Variants in CHLSN observed in about 807,000 individuals in gnomAD.
CHLSN encodes the protein protein cholesin.
chr7:1,013,089 G>A, the CHLSN span, among the ~76,000 whole-genome samples: 4 of 152,058 alleles, frequency 2.6e-5, no homozygotes, highest in Non-Finnish European at 5.9e-5. Flanking sequence ...AGGATCGGGC[G>A]TGGTAATGCC....
chr7:1,117,301 C>G, the CHLSN span, among the ~76,000 whole-genome samples: 1 of 86,664 alleles, frequency 1.2e-5, no homozygotes, highest in Non-Finnish European at 2.2e-5. Context: ...ATGATGACAT[C>G]ACTACAGCTC....
At chr7:1,080,552 C>T in the CHLSN span, among the ~76,000 whole-genome samples, 4 of 152,350 alleles carry the variant, frequency 2.6e-5, no homozygotes, top group Middle Eastern at 6.8e-3. Flanking sequence ...CACCCAGGGA[C>T]GGGCAGAGGA....
the CHLSN span, among the ~76,000 whole-genome samples, chr7:1,085,176 C>G: frequency 4.6e-5 from 7 of 152,226 alleles, no homozygotes; most frequent in Admixed American, 2.0e-4. Context: ...CAGTATTTGG[C>G]TATGTGTGCA....
the CHLSN span, chr7:1,058,285 C>T: frequency 1.4e-5 from 11 of 773,458 alleles, no homozygotes; most frequent in Admixed American, 5.1e-5. Flanking sequence ...CTGGGGCACA[C>T]GGTCATCATC....
chr7:1,100,420 C>A, the CHLSN span, among the ~76,000 whole-genome samples: 1 of 152,284 alleles, frequency 6.6e-6, no homozygotes, highest in South Asian at 2.1e-4. Context: ...AGGCCACACG[C>A]AGGCTGCACA....
At chr7:1,138,006 GC>G in the CHLSN span, 1 of 27,100 alleles carries the variant, frequency 3.7e-5, no homozygotes, top group Non-Finnish European at 6.5e-5. Context: ...GGACGCACCG[GC>G]CGCACCGGCC....
At chr7:1,119,480 C>G in the CHLSN span, among the ~76,000 whole-genome samples, 1 of 152,136 alleles carries the variant, frequency 6.6e-6, no homozygotes, top group Non-Finnish European at 1.5e-5. Context: ...GAAAGAGAAG[C>G]CACAGAATGG....
At chr7:988,481 C>A in the CHLSN span, 2 of 1,604,158 alleles carry the variant, frequency 1.2e-6, no homozygotes, top group Admixed American at 1.7e-5. Context: ...GGGACGGCCC[C>A]AGCTCCGCCT....
At chr7:1,048,994 A>C in the CHLSN span, among the ~76,000 whole-genome samples, 16,306 of 152,242 alleles carry the variant, frequency 0.11, 1,161 homozygotes, top group Middle Eastern at 0.2. Context: ...AAAAACCATA[A>C]AACTGCAAAG....
At chr7:1,002,546 T>C in the CHLSN span, among the ~76,000 whole-genome samples, 107 of 83,330 alleles carry the variant, frequency 1.3e-3, 3 homozygotes, top group East Asian at 7.3e-3. Flanking sequence ...TGGAGCCCTG[T>C]GGGTGAGTGG....
chr7:999,862 C>T, the CHLSN span, among the ~76,000 whole-genome samples: 11 of 152,254 alleles, frequency 7.2e-5, no homozygotes, highest in South Asian at 2.1e-4. Context: ...AGCTCCAGCC[C>T]GCCGCCCAGC....
the CHLSN span, among the ~76,000 whole-genome samples, chr7:1,053,039 G>A: frequency 6.6e-6 from 1 of 152,244 alleles, no homozygotes; most frequent in African/African-American, 2.4e-5. Context: ...GTGCATGGCT[G>A]ACGGGAAAGA....
the CHLSN span, chr7:1,044,774 G>A: frequency 6.6e-6 from 1 of 152,152 alleles, no homozygotes; most frequent in Non-Finnish European, 1.5e-5. Flanking sequence ...CGCTTACTGG[G>A]ACCCGGGTCC....
At chr7:1,091,889 A>C in the CHLSN span, 2 of 1,614,032 alleles carry the variant, frequency 1.2e-6, no homozygotes, top group Non-Finnish European at 1.7e-6. Flanking sequence ...GAGCACCAGC[A>C]GTACGTGATC....
the CHLSN span, among the ~76,000 whole-genome samples, chr7:1,136,314 AT>A: frequency 3.5e-3 from 373 of 107,188 alleles, no homozygotes; most frequent in African/African-American, 0.01. Flanking sequence ...ATAAATATAT[AT>A]AAACATAAAT....
At chr7:1,058,516 A>AG in the CHLSN span, 1 of 777,878 alleles carries the variant, frequency 1.3e-6, no homozygotes. Context: ...GTGCTGGCGT[A>AG]GGCGGCCCAG....
chr7:1,016,725 A>C, the CHLSN span, among the ~76,000 whole-genome samples: 3 of 125,858 alleles, frequency 2.4e-5, 1 homozygote, highest in African/African-American at 1.0e-4. Flanking sequence ...ACAGCAGCAC[A>C]CAGCAGCACA....
the CHLSN span, among the ~76,000 whole-genome samples, chr7:1,106,057 C>T: frequency 6.6e-6 from 1 of 152,124 alleles, no homozygotes; most frequent in Non-Finnish European, 1.5e-5. Context: ...GATTTCGATG[C>T]TGTTTATTTA....
the CHLSN span, among the ~76,000 whole-genome samples, chr7:1,130,265 G>A: frequency 7.2e-5 from 11 of 152,346 alleles, no homozygotes; most frequent in Admixed American, 2.0e-4. Flanking sequence ...TGAGGGAGCC[G>A]AAAGAGGCAG....
Sources: allele counts gnomAD v4.1 joint callset (sites outside exome capture counted in the v4.1 genomes callset), GRCh38; gene constraint gnomAD v4.1.1; transcripts MANE v1.5; gene names NCBI Gene and HGNC (gene_info 2026-07-23, HGNC 2026-07-21).